CACNA1I: variants seen among roughly 807,000 people sequenced by gnomAD.
The protein encoded by CACNA1I is voltage-dependent T-type calcium channel subunit alpha-1I.
CACNA1I carries 74 observed loss-of-function variants against 201.6 expected under a neutral mutation model. The observed-to-expected ratio is 0.37, with a 90% CI of 0.30 to 0.45. The LOEUF is 0.45. Among genes scored for constraint, CACNA1I ranks in the 20% least tolerant of loss-of-function variants. CACNA1I has a pLI of 1.00. For synonymous variants in CACNA1I, 1,431 were observed against 1,345.2 expected (o/e 1.06, Z -1.40); for missense variants, 2,346 against 3,138.1 (o/e 0.75, Z 6.03).
chr22:39,596,182 G>A (rs1207431675), intron 1 of CACNA1I, among the ~76,000 whole-genome samples: 2 of 15,826 alleles, frequency 1.3e-4, no homozygotes, highest in African/African-American at 2.9e-4. Context: ...GGGGCAGGGC[G>A]GAGGGAGATG....
intron 1 of CACNA1I, among the ~76,000 whole-genome samples, chr22:39,593,088 A>G (rs2145819097): frequency 6.6e-6 from 1 of 152,274 alleles, no homozygotes; most frequent in South Asian, 2.1e-4. Context: ...TGAATTTCTG[A>G]AGCTGAGCAG....
rs573212865 is a variant in CACNA1I at position 39,684,324 on chromosome 22, G to A, written c.5853G>A (p.Pro1951=). Residue 1951 remains proline (P), a synonymous_variant, in exon 36 of 37, where the codon CCG becomes CCA. Coordinates refer to ENST00000402142, the MANE Select transcript of CACNA1I (RefSeq NM_021096.4). The surrounding 1 kb of genome is among the most constrained non-coding windows in gnomAD (Gnocchi z 4.6). The part of the protein sequence containing the change: ...SSQAPPSPFS[P]DASSPLLPMP... ...CAGCACCCCCAAGTCCCTTCTCCCC[G>A]GATGCCTCCAGCCCTCTCCTGCCCA... 1.5e-4 allele frequency: 241 copies of A among 1,613,366 alleles called. 3 individuals carry two copies. The South Asian group carries it at 2.4e-3, about 16-fold the overall frequency.
intron 4 of CACNA1I, among the ~76,000 whole-genome samples, chr22:39,623,540 G>A (rs1933811465): frequency 6.6e-6 from 1 of 151,478 alleles, no homozygotes; most frequent in Non-Finnish European, 1.5e-5. Context: ...GCATATGTGT[G>A]CTTGTGTGTG....
chr22:39,600,484 A>G, intron 2 of CACNA1I, 36 bp from the exon 3 acceptor site: 1 of 1,590,048 alleles, frequency 6.3e-7, no homozygotes, highest in Non-Finnish European at 8.6e-7. Context: ...CTGCAACCTC[A>G]CCCTGTCCCT....
chr22:39,685,966 G>C lies in CACNA1I; in HGVS notation c.6233G>C (p.Arg2078Pro). The C allele has an allele frequency of 3.2e-6, 4 of 1,257,846 alleles. No individual in the cohort carries two copies. The highest frequency in any genetic ancestry group is 4.0e-6 in the Non-Finnish European group (4 of 1,008,514). 77.9% of individuals were successfully genotyped at this position (1,257,846 alleles called of 1,614,324 possible). A position where few individuals can be genotyped will look rare whatever the true frequency, so the allele number is the denominator to read the frequency against. Residue 2078 changes from arginine (R) to proline (P), a missense_variant, in exon 37 of 37, where the codon CGG becomes CCG. Physicochemically the swap from Arg to Pro is moderately radical, Grantham distance 103 (BLOSUM62 -2). Coordinates refer to ENST00000402142, the MANE Select transcript of CACNA1I (RefSeq NM_021096.4). This position sits in a 1 kb window ranked among gnomAD's most constrained non-coding sequence, Gnocchi z 5.0. ...SLRGRGLFSL[R>P]GLRAHQRSHS... The stretch of plus-strand genomic sequence containing the variant: ...CGCGGCCGGGGCCTCTTCAGCCTGC[G>C]GGGGCTGCGGGCGCATCAGCGCAGC...
intron 1 of CACNA1I, among the ~76,000 whole-genome samples, chr22:39,584,116 A>G (rs564607159): frequency 6.6e-6 from 1 of 152,312 alleles, no homozygotes; most frequent in South Asian, 2.1e-4. Context: ...TGGGGGATGT[A>G]TCAGAGGATA....
At chr22:39,594,216 C>A (rs1932853750) in intron 1 of CACNA1I, among the ~76,000 whole-genome samples, 1 of 152,270 alleles carries the variant, frequency 6.6e-6, no homozygotes, top group East Asian at 1.9e-4. Context: ...AATGGGCCTG[C>A]TGACCTCCAC....
At position 39,619,396 on chromosome 22, in the gene CACNA1I, A is replaced by G; in HGVS notation, c.569A>G (p.Asn190Ser). 6.2e-7 allele frequency: 1 copy of G among 1,607,696 alleles called. No individual in the cohort carries two copies. ...VRVLRPLKAI[N>S]RVPSMRILVN... ...GTCCTGAGGCCCCTCAAAGCCATCA[A>G]CCGCGTGCCCAGTGAGTCAGCCCCG... The change falls in exon 4 of 37, where the codon AAC becomes AGC. Residue 190 changes from asparagine (N) to serine (S), a missense_variant. Physicochemically the swap from Asn to Ser is conservative, Grantham distance 46. This residue lies in a region of CACNA1I where 227 missense variants were observed against 412.5 expected (regional missense o/e 0.55). Coordinates refer to ENST00000402142, the MANE Select transcript of CACNA1I (RefSeq NM_021096.4).
chr22:39,585,510 C>T (rs553476808), intron 1 of CACNA1I, among the ~76,000 whole-genome samples: 1 of 148,660 alleles, frequency 6.7e-6, no homozygotes, highest in East Asian at 2.0e-4. Context: ...CTGCCTCAGC[C>T]TTCCAAGTAG....
intron 1 of CACNA1I, among the ~76,000 whole-genome samples, chr22:39,592,944 G>A (rs1332682462): frequency 3.3e-5 from 5 of 152,242 alleles, no homozygotes; most frequent in Admixed American, 3.3e-4. Context: ...AGTGGGGAGT[G>A]TGTCAGGAAC....
Position 39,674,009 on chromosome 22 carries a change from C to T in CACNA1I, c.4830C>T (p.Asp1610=), listed in dbSNP as rs1373655715. 3 of 1,613,348 alleles carry T rather than the reference C, an allele frequency of 1.9e-6. No homozygotes were observed. The highest frequency in any genetic ancestry group is 2.5e-6 in the Non-Finnish European group (3 of 1,179,862). ...CCACAGGAATGCGGGCCCTGCTGGA[C>T]ACGGTGGTGCAAGCTTTGCCCCAGG... is the stretch of plus-strand genomic sequence containing the variant. ...KMATGMRALL[D]TVVQALPQVG... The change falls in exon 29 of 37, where the codon GAC becomes GAT. Residue 1610 remains aspartate (D), a synonymous_variant. Transcript: ENST00000402142.
chr22:39,626,283 C>T (rs1249984782), intron 4 of CACNA1I, among the ~76,000 whole-genome samples: 6 of 152,330 alleles, frequency 3.9e-5, no homozygotes, highest in East Asian at 1.9e-4. Context: ...GAAATGCCAC[C>T]GTGGGTGTAG....
intron 1 of CACNA1I, among the ~76,000 whole-genome samples, chr22:39,573,808 G>A (rs559719533): frequency 1.7e-4 from 26 of 152,310 alleles, no homozygotes; most frequent in African/African-American, 6.3e-4. Flanking sequence ...ACAACAGTGG[G>A]GCTGGCCCAG....
intron 7 of CACNA1I, 31 bp downstream of exon 7, chr22:39,642,920 G>A (rs1181839189): frequency 2.0e-6 from 3 of 1,469,408 alleles, no homozygotes; most frequent in Non-Finnish European, 2.8e-6. Flanking sequence ...GCTCCTAGGT[G>A]TGCTCAGAAC....
chr22:39,571,400 A>G (rs925689828), intron 1 of CACNA1I, among the ~76,000 whole-genome samples: 25 of 137,082 alleles, frequency 1.8e-4, no homozygotes, highest in East Asian at 4.1e-4. Flanking sequence ...CGATCCCAAC[A>G]CACAGGGCAG....
intron 3 of CACNA1I, among the ~76,000 whole-genome samples, chr22:39,610,035 C>T (rs1357039498): frequency 6.6e-6 from 1 of 152,164 alleles, no homozygotes; most frequent in Non-Finnish European, 1.5e-5. Flanking sequence ...ACTTGGATGC[C>T]CAGAAGCCTT....
chr22:39,624,236 GT>G (rs1933837392), intron 4 of CACNA1I, among the ~76,000 whole-genome samples: 1 of 152,048 alleles, frequency 6.6e-6, no homozygotes. Context: ...CTCCCTCCAG[GT>G]CCTCTTTGCT....
intron 15 of CACNA1I, among the ~76,000 whole-genome samples, 187 bp downstream of exon 15, chr22:39,660,624 T>C (rs1275240251): frequency 6.6e-6 from 1 of 152,216 alleles, no homozygotes; most frequent in Non-Finnish European, 1.5e-5. Flanking sequence ...GTGACATCCA[T>C]GGACCCCTGG....
chr22:39,647,022 G>C (rs1934514179), intron 8 of CACNA1I, 141 bp downstream of exon 8: 1 of 1,326,778 alleles, frequency 7.5e-7, no homozygotes, highest in South Asian at 1.6e-5. Flanking sequence ...AGCCCCCAGG[G>C]ACCTCTGTCC....
Sources: allele counts gnomAD v4.1 joint callset (sites outside exome capture counted in the v4.1 genomes callset), GRCh38; gene constraint gnomAD v4.1.1; regional missense constraint gnomAD v4.1.1; non-coding constraint Gnocchi (gnomAD v3.1); transcripts MANE v1.5; gene names NCBI Gene and HGNC (gene_info 2026-07-23, HGNC 2026-07-21).